The following MYOF variants were observed in gnomAD, a reference collection of about 807,000 sequenced individuals.
MYOF encodes fer-1-like 3, myoferlin.
A neutral mutation model predicts 284.2 loss-of-function variants in MYOF; 244 were observed. The observed-to-expected ratio is 0.86, with a 90% CI of 0.77 to 0.95. MYOF has a LOEUF of 0.95. MYOF is among the 40% of genes least tolerant of loss of function. The pLI is 0.00. For synonymous variants in MYOF, 904 were observed against 919.7 expected, an observed-to-expected ratio of 0.98 and a Z score of 0.31; for missense variants, 2,496 against 2,560.6, an observed-to-expected ratio of 0.97 and a Z score of 0.54.
chr10:93,308,584 C>CAAA (rs35344958), intron 53 of MYOF, among the ~76,000 whole-genome samples: 32,563 of 93,738 alleles, frequency 0.35, 4,801 homozygotes, highest in Non-Finnish European at 0.46. Context: ...GACTCTGTCT[C>CAAA]AAAAAAAAAA....
intron 24 of MYOF, among the ~76,000 whole-genome samples, chr10:93,370,310 A>T (rs1589454045): frequency 7.7e-6 from 1 of 129,214 alleles, no homozygotes. Context: ...AGTAATGATT[A>T]CTAATTTTTT....
chr10:93,390,948 G>C (rs17479678), intron 17 of MYOF, among the ~76,000 whole-genome samples: 8,414 of 152,258 alleles, frequency 0.055, 317 homozygotes, highest in Middle Eastern at 0.11. Flanking sequence ...CTTGTCAAAA[G>C]TCCCACAAAT....
At chr10:93,335,263 G>T (rs1843540780) in intron 41 of MYOF, among the ~76,000 whole-genome samples, 1 of 152,180 alleles carries the variant, frequency 6.6e-6, no homozygotes, top group African/African-American at 2.4e-5. Flanking sequence ...TGTGTCCGGG[G>T]CTTGGGCGAG....
chr10:93,381,418 A>T lies in MYOF; in HGVS notation c.1699-22T>A, dbSNP rs1015956599. 10 of 1,612,514 alleles carry T rather than the reference A, an allele frequency of 6.2e-6. No individual in the cohort carries two copies. The African/African-American group carries it at 8.0e-5, about 13-fold the overall frequency. On this transcript the variant is annotated intron_variant, in intron 19 of 53. Transcript: ENST00000359263. The stretch of plus-strand genomic sequence containing the variant: ...ATTTCTATAAAGTATGAGCAGACAT[A>T]AGGTTCAGTGAAAGGCCATTTGTTC...
At chr10:93,350,830 C>T (rs78692799) in intron 35 of MYOF, among the ~76,000 whole-genome samples, 7,448 of 152,198 alleles carry the variant, frequency 0.049, 271 homozygotes, top group Middle Eastern at 0.082. Flanking sequence ...CAACATTGCT[C>T]ACTGCTCCCA....
chr10:93,417,783 T>C (rs1848194618), intron 5 of MYOF, among the ~76,000 whole-genome samples: 1 of 152,098 alleles, frequency 6.6e-6, no homozygotes, highest in Non-Finnish European at 1.5e-5. Context: ...GAGCACTTGC[T>C]GGTCACCCTG....
chr10:93,419,676 T>C (rs933875784), intron 5 of MYOF, among the ~76,000 whole-genome samples: 2 of 152,192 alleles, frequency 1.3e-5, no homozygotes, highest in Non-Finnish European at 2.9e-5. Flanking sequence ...TTGGTCAATC[T>C]CTCTGGAGGA....
intron 1 of MYOF, among the ~76,000 whole-genome samples, chr10:93,461,718 A>G (rs1045589043): frequency 8.5e-5 from 13 of 152,198 alleles, no homozygotes; most frequent in African/African-American, 3.1e-4. Flanking sequence ...GTAGGGGGCA[A>G]ACGGGCTTTG....
At chr10:93,342,127 C>A (rs1239359420) in intron 38 of MYOF, among the ~76,000 whole-genome samples, 1 of 152,166 alleles carries the variant, frequency 6.6e-6, no homozygotes, top group Non-Finnish European at 1.5e-5. Flanking sequence ...CAGAGTAATG[C>A]CATGAGTTTC....
At chr10:93,337,221 T>C (rs1405915607) in intron 40 of MYOF, among the ~76,000 whole-genome samples, 1 of 151,620 alleles carries the variant, frequency 6.6e-6, no homozygotes, top group East Asian at 1.9e-4. Flanking sequence ...TATACACTGT[T>C]CTGAAAACTT....
rs763946104 is a variant in MYOF at position 93,335,984 on chromosome 10, C to T, written c.4500G>A (p.Thr1500=). 27 of 1,614,086 alleles carry T rather than the reference C, an allele frequency of 1.7e-5. No individual in the cohort carries two copies. The highest frequency in any genetic ancestry group is 1.6e-4 in the Middle Eastern group (1 of 6,084). The change falls in exon 41 of 54, where the codon ACG becomes ACA. Residue 1500 remains threonine (T), a synonymous_variant. Coordinates refer to ENST00000359263, the MANE Select transcript of MYOF (RefSeq NM_013451.4). The part of the protein sequence containing the change: ...EFEGLTDFSD[T]FKLYRGKSDE... ...CCGACTTGCCTCGGTACAACTTGAACGTATCTGAGAAGTCTGTCAGGCCCT... is the reference window on the plus strand; with the variant it reads ...CCGACTTGCCTCGGTACAACTTGAATGTATCTGAGAAGTCTGTCAGGCCCT...
intron 51 of MYOF, among the ~76,000 whole-genome samples, chr10:93,311,625 T>C (rs1013803115): frequency 2.0e-5 from 3 of 151,468 alleles, no homozygotes; most frequent in Non-Finnish European, 4.4e-5. Context: ...CTGCCCACTT[T>C]TATAGTGAGC....
At chr10:93,349,319 C>T (rs886240889) in intron 36 of MYOF, among the ~76,000 whole-genome samples, 1 of 152,160 alleles carries the variant, frequency 6.6e-6, no homozygotes, top group Non-Finnish European at 1.5e-5. Flanking sequence ...AAAGAAGGTG[C>T]CATCCCAGGG....
At position 93,402,307 on chromosome 10, in the gene MYOF, C is replaced by T. The variant is rs767726740; in HGVS notation, c.915G>A (p.Pro305=). ...VMRKWLLLND[P]EDTSSGSKGY... ...CTTTAGAACCTGAACTGGTATCTTCCGGGTCATTGAGAAGAAGCCACTTTC... is the reference window on the plus strand; with the variant it reads ...CTTTAGAACCTGAACTGGTATCTTCTGGGTCATTGAGAAGAAGCCACTTTC... The change falls in exon 11 of 54, where the codon CCG becomes CCA. Residue 305 remains proline (P), a synonymous_variant. Coordinates refer to ENST00000359263, the MANE Select transcript of MYOF (RefSeq NM_013451.4). The T allele has an allele frequency of 1.8e-5, 29 of 1,614,002 alleles. No homozygotes were observed. The highest frequency in any genetic ancestry group is 1.3e-4 in the East Asian group (6 of 44,884).
intron 32 of MYOF, 83 bp downstream of exon 32, chr10:93,353,728 G>A: frequency 8.6e-7 from 1 of 1,161,886 alleles, no homozygotes; most frequent in East Asian, 2.4e-5. Flanking sequence ...TGTTAGAAAT[G>A]ACAAAAAGCA....
chr10:93,358,340 C>T (rs1321278899), intron 29 of MYOF, among the ~76,000 whole-genome samples: 1 of 152,170 alleles, frequency 6.6e-6, no homozygotes, highest in African/African-American at 2.4e-5. Flanking sequence ...AAAGCTTTTA[C>T]ACTGTTGGTG....
chr10:93,383,313 G>A (rs1245527144), intron 19 of MYOF, among the ~76,000 whole-genome samples: 3 of 152,178 alleles, frequency 2.0e-5, no homozygotes, highest in African/African-American at 7.2e-5. Flanking sequence ...GGTTAAAGGA[G>A]TTTTTGACAT....
At chr10:93,461,373 G>T (rs181734104) in intron 1 of MYOF, among the ~76,000 whole-genome samples, 1 of 152,318 alleles carries the variant, frequency 6.6e-6, no homozygotes, top group East Asian at 1.9e-4. Flanking sequence ...CCAAGACATG[G>T]TTCCTGCCCT....
chr10:93,308,203 A>T (rs1012844168), intron 53 of MYOF, among the ~76,000 whole-genome samples: 4 of 151,104 alleles, frequency 2.6e-5, no homozygotes, highest in Admixed American at 2.6e-4. Flanking sequence ...AGATTGCGCC[A>T]CTGTACTCCA....
Sources: allele counts gnomAD v4.1 joint callset (sites outside exome capture counted in the v4.1 genomes callset), GRCh38; gene constraint gnomAD v4.1.1; transcripts MANE v1.5; gene names NCBI Gene and HGNC (gene_info 2026-07-23, HGNC 2026-07-21).